NRG1: variants seen among roughly 807,000 people sequenced by gnomAD.
NRG1 encodes the protein pro-neuregulin-1, membrane-bound isoform.
Under a neutral mutation model 63.8 loss-of-function variants are expected in NRG1, and 18 were observed. That is an observed-to-expected ratio of 0.28 (90% CI 0.19 to 0.42). The LOEUF is 0.42. Ranked by LOEUF, NRG1 falls within the 10% of genes least tolerant of loss-of-function variation. The probability of loss-of-function intolerance (pLI) is 1.00; values close to 1 mark genes in which losing one functional copy is unlikely to be tolerated. For synonymous variants in NRG1, 302 were observed against 301.3 expected (o/e 1.00, Z -0.02); for missense variants, 762 against 814.7 (o/e 0.94, Z 0.79).
intron 1 of NRG1, among the ~76,000 whole-genome samples, chr8:32,195,014 A>G (rs958047744): frequency 2.6e-5 from 4 of 152,194 alleles, no homozygotes; most frequent in African/African-American, 9.6e-5. Context: ...AAGTTATTTA[A>G]TACTGTTTGA....
intron 1 of NRG1, among the ~76,000 whole-genome samples, chr8:31,659,811 G>T (rs1392621846): frequency 6.6e-6 from 1 of 152,202 alleles, no homozygotes; most frequent in Non-Finnish European, 1.5e-5. Flanking sequence ...AACTGGGCAA[G>T]ATGAAAACCA....
At chr8:32,435,457 A>AC (rs1307455917) in intron 1 of NRG1, among the ~76,000 whole-genome samples, 1 of 152,210 alleles carries the variant, frequency 6.6e-6, no homozygotes, top group African/African-American at 2.4e-5. Context: ...CAGTTGACTG[A>AC]CCAAAACAAT....
rs62497564 is a variant in NRG1, at chr8:32,157,653, T to C, written c.38-438175T>C. 7.5e-3 allele frequency among the ~76,000 whole-genome samples: 1,121 copies of C among 148,778 alleles called. 11 individuals carry two copies. Among genetic ancestry groups the C allele is most frequent in the Admixed American group, 0.012 (181 of 14,864 alleles). On this transcript the variant is annotated intron_variant, in intron 1 of 10. Transcript: ENST00000519301. ...TGGAGTGAAACTCCATCTCAAAATA[T>C]ATATATTTTTATATATTTTTAAATA...
chr8:31,640,616 C>T lies in NRG1; in HGVS notation c.37+1185C>T, dbSNP rs774641687. ...AGCAGGTACATCTTCTTCATGGAGCCCGACGCCAACAGCACCAGCCGCGCG... is the reference window on the plus strand; with the variant it reads ...AGCAGGTACATCTTCTTCATGGAGCTCGACGCCAACAGCACCAGCCGCGCG... On this transcript the variant is annotated intron_variant, in intron 1 of 10. Coordinates refer to the NRG1 transcript ENST00000519301. The surrounding 1 kb of genome is among the most constrained non-coding windows in gnomAD (Gnocchi z 6.3). 3.7e-6 allele frequency: 6 copies of T among 1,611,732 alleles called. No individual in the cohort carries two copies. The Admixed American group carries it at 8.3e-5, about 22-fold the overall frequency.
intron 1 of NRG1, among the ~76,000 whole-genome samples, chr8:32,187,618 T>C (rs1842087609): frequency 6.6e-6 from 1 of 152,156 alleles, no homozygotes; most frequent in Admixed American, 6.5e-5. Context: ...CACAAGACTT[T>C]ATGCTGCACT....
intron 1 of NRG1, among the ~76,000 whole-genome samples, chr8:31,833,180 AAGG>A (rs1563458571): frequency 6.6e-6 from 1 of 152,182 alleles, no homozygotes; most frequent in Non-Finnish European, 1.5e-5. Flanking sequence ...GCAAAAGGAG[AAGG>A]AGGATAGTCT....
chr8:32,231,673 G>A (rs972867214), intron 1 of NRG1, among the ~76,000 whole-genome samples: 2 of 151,900 alleles, frequency 1.3e-5, no homozygotes, highest in African/African-American at 4.8e-5. Flanking sequence ...GACCAAGGTG[G>A]GTGGATTACC....
rs1183532660 is a variant in NRG1, at chr8:31,648,172, C to T, written c.37+8741C>T. Among the ~76,000 whole-genome samples the T allele has an allele frequency of 1.1e-4, 13 of 121,420 alleles. No homozygotes were observed. The East Asian group carries it at 2.2e-3, about 20-fold the overall frequency. 79.7% of individuals were successfully genotyped at this position (121,420 alleles called of 152,430 possible). A position where few individuals can be genotyped will look rare whatever the true frequency, so the allele number is the denominator to read the frequency against. ...TTTTTGAGACGGAGTTTCGCTCTGT[C>T]GCCCAGGCTGGAGTGCTGTGGCGCG... On this transcript the variant is annotated intron_variant, in intron 1 of 10. Transcript: ENST00000519301.
At chr8:32,747,961 C>T (rs1436511004) in intron 7 of NRG1, among the ~76,000 whole-genome samples, 2 of 151,834 alleles carry the variant, frequency 1.3e-5, no homozygotes, top group Non-Finnish European at 2.9e-5. Context: ...CCTTTACTCC[C>T]CAGGCATGCC....
chr8:31,970,937 G>C (rs1005037626), intron 1 of NRG1, among the ~76,000 whole-genome samples: 2 of 151,976 alleles, frequency 1.3e-5, no homozygotes, highest in African/African-American at 2.4e-5. Flanking sequence ...CCAGCTACTC[G>C]GGAGGCTGAG....
At chr8:32,330,458 A>T (rs1158060952) in intron 1 of NRG1, among the ~76,000 whole-genome samples, 1 of 152,212 alleles carries the variant, frequency 6.6e-6, no homozygotes. Flanking sequence ...TGTTCTCAGG[A>T]ATGCCTGTGG....
chr8:32,515,730 A>G (rs958560641), intron 1 of NRG1, among the ~76,000 whole-genome samples: 3 of 152,154 alleles, frequency 2.0e-5, no homozygotes, highest in Non-Finnish European at 4.4e-5. Context: ...ATAAGCCACT[A>G]TGCTCAGGCC....
intron 5 of NRG1, among the ~76,000 whole-genome samples, chr8:32,696,634 G>A (rs902072120): frequency 2.7e-5 from 4 of 149,372 alleles, no homozygotes; most frequent in African/African-American, 9.8e-5. Context: ...TTTCAAAAAG[G>A]TTAAAATACA....
chr8:31,663,987 AG>A (rs1181995973), intron 1 of NRG1, among the ~76,000 whole-genome samples: 1 of 151,540 alleles, frequency 6.6e-6, no homozygotes. Flanking sequence ...CTTTTTTTTT[AG>A]GGGGGCGGTT....
chr8:32,529,975 T>C (rs574024437), intron 1 of NRG1, among the ~76,000 whole-genome samples: 1 of 152,326 alleles, frequency 6.6e-6, no homozygotes, highest in East Asian at 1.9e-4. Flanking sequence ...CTGTGCATAA[T>C]TGCACGGACT....
chr8:32,233,556 TA>T (rs1847200079), intron 1 of NRG1, among the ~76,000 whole-genome samples: 1 of 68,662 alleles, frequency 1.5e-5, no homozygotes, highest in Non-Finnish European at 2.7e-5. Context: ...TATATATATA[TA>T]TATATATTTT....
chr8:31,989,253 CA>C lies in NRG1; in HGVS notation c.37+349842del, dbSNP rs10692906. Among the ~76,000 whole-genome samples, 9 of 47,528 alleles carry C rather than the reference CA, an allele frequency of 1.9e-4. No homozygotes were observed. The East Asian group carries it at 6.6e-3, about 35-fold the overall frequency. 31.2% of individuals were successfully genotyped at this position (47,528 alleles called of 152,430 possible). A position where few individuals can be genotyped will look rare whatever the true frequency, so the allele number is the denominator to read the frequency against. On this transcript the variant is annotated intron_variant, in intron 1 of 10. Coordinates refer to the NRG1 transcript ENST00000519301. ...CCTGGGTGAGAGAGAGACTCTGTCT[CA>C]AAAAAAAAAAAAAAAAAAAGAACAA...
Position 32,407,276 on chromosome 8 carries a change from TATATATATATATATATA to T in NRG1, c.38-188551_38-188535del, listed in dbSNP as rs1222687679. Among the ~76,000 whole-genome samples, 97 of 45,134 alleles carry T rather than the reference TATATATATATATATATA, an allele frequency of 2.1e-3. 1 individual carries two copies. In the East Asian group the frequency reaches 0.054, roughly 25 times the overall value. The allele number at this position is 45,134 out of a possible 152,430, so 29.6% of individuals were successfully genotyped here. On this transcript the variant is annotated intron_variant, in intron 1 of 10. Coordinates refer to the NRG1 transcript ENST00000519301. ...TATATGTGTGTGTGTATATATATAT[TATATATATATATATATA>T]TTATATATATATATATATATATATA...
intron 1 of NRG1, among the ~76,000 whole-genome samples, chr8:32,090,387 G>A (rs1828939174): frequency 6.6e-6 from 1 of 152,128 alleles, no homozygotes; most frequent in Non-Finnish European, 1.5e-5. Context: ...GTGGTGCGAC[G>A]TTGGCCCCCT....
Sources: allele counts gnomAD v4.1 joint callset (sites outside exome capture counted in the v4.1 genomes callset), GRCh38; gene constraint gnomAD v4.1.1; non-coding constraint Gnocchi (gnomAD v3.1); transcripts MANE v1.5; gene names NCBI Gene and HGNC (gene_info 2026-07-23, HGNC 2026-07-21).